MATR3: variants seen among roughly 807,000 people sequenced by gnomAD.
The protein encoded by MATR3 is matrin-3.
Under a neutral mutation model 85.5 loss-of-function variants are expected in MATR3, and 4 were observed. The observed-to-expected ratio is 0.05, with a 90% CI of 0.02 to 0.11. MATR3 has a LOEUF of 0.11. Among genes scored for constraint, MATR3 ranks in the 10% least tolerant of loss-of-function variants. MATR3 has a pLI of 1.00. For synonymous variants in MATR3, 336 were observed against 343.1 expected (o/e 0.98, Z 0.23); for missense variants, 685 against 1,016.1 (o/e 0.67, Z 4.43).
At position 139,288,084 on chromosome 5, in the gene MATR3, C is replaced by T. The variant is rs895725822; in HGVS notation, c.-178+8955C>T. Among the ~76,000 whole-genome samples, 3 of 151,996 alleles carry T rather than the reference C, an allele frequency of 2.0e-5. No individual in the cohort carries two copies. The South Asian group carries it at 6.2e-4, about 32-fold the overall frequency. Reference sequence around the variant, plus strand: ...AAAAAAAATTAGCTGGGTTTGGCGGCGCGCTTCTGTAGTCCCAGGTACTCG... The same window carrying T: ...AAAAAAAATTAGCTGGGTTTGGCGGTGCGCTTCTGTAGTCCCAGGTACTCG... On this transcript the variant is annotated intron_variant, in intron 3 of 16. Transcript: ENST00000509990.
At chr5:139,323,061 G>T in intron 12 of MATR3, 94 bp downstream of exon 12, 1 of 1,234,412 alleles carries the variant, frequency 8.1e-7, no homozygotes, top group Admixed American at 2.6e-5. Flanking sequence ...AGAATTATAT[G>T]ATTTAAATCA....
rs1383132116 is a variant in MATR3 at position 139,325,540 on chromosome 5, A to G, written c.2249A>G (p.Asn750Ser). ...NTEPGAESSE[N>S]ADDPNKDTSE... is the part of the protein sequence containing the mutation. ...GAACCAGGTGCTGAATCTTCTGAGA[A>G]CGCTGATGATCCCAACAAAGATACA... Residue 750 changes from asparagine (N) to serine (S), a missense_variant, in exon 13 of 15, where the codon AAC becomes AGC. Physicochemically the swap from Asn to Ser is conservative, Grantham distance 46 (BLOSUM62 1). This residue lies in a region of MATR3 where 215 missense variants were observed against 194.7 expected (regional missense o/e 1.10). Coordinates refer to ENST00000394805, the MANE Select transcript of MATR3 (RefSeq NM_018834.6). The G allele has an allele frequency of 3.1e-6, 5 of 1,614,108 alleles. No homozygotes were observed. Among genetic ancestry groups the G allele is most frequent in the Non-Finnish European group, 4.2e-6 (5 of 1,180,040 alleles).
rs769565843 is a variant in MATR3 at position 139,329,463 on chromosome 5, T to A, written c.*68T>A. ...CTTTGTTTTTAATGTTAACCTTTTT[T>A]AAATACAATACTGATAGTTAGAAGA... is the stretch of plus-strand genomic sequence containing the variant. On this transcript the variant is annotated 3_prime_UTR_variant, in exon 15 of 15. Transcript: ENST00000394805. 33 of 1,228,438 alleles carry A rather than the reference T, an allele frequency of 2.7e-5. No individual in the cohort carries two copies. The highest frequency in any genetic ancestry group is 2.4e-4 in the Admixed American group (14 of 58,812). 76.1% of individuals were successfully genotyped at this position (1,228,438 alleles called of 1,614,324 possible).
intron 9 of MATR3, among the ~76,000 whole-genome samples, chr5:139,320,177 C>T (rs1721404213): frequency 6.6e-6 from 1 of 151,216 alleles, no homozygotes; most frequent in Admixed American, 6.6e-5. Context: ...GGCGTGGTGG[C>T]GTGCGCCTGT....
chr5:139,282,215 GACCTGTCAATAT>G (rs1225473854), intron 3 of MATR3, among the ~76,000 whole-genome samples: 1 of 152,156 alleles, frequency 6.6e-6, no homozygotes, highest in Non-Finnish European at 1.5e-5. Flanking sequence ...CCAGTTAATG[GACCTGTCAATAT>G]ACTCTTGAAA....
chr5:139,283,015 C>T (rs1432690024), intron 3 of MATR3: 1 of 152,238 alleles, frequency 6.6e-6, no homozygotes, highest in African/African-American at 2.4e-5. Context: ...ATTCTCAAAA[C>T]ATTCCATTTT....
At chr5:139,327,909 T>G (rs920025254) in intron 14 of MATR3, among the ~76,000 whole-genome samples, 10 of 152,152 alleles carry the variant, frequency 6.6e-5, no homozygotes, top group African/African-American at 2.4e-4. Context: ...TTCCCCAAGC[T>G]GGAGTGCAAT....
intron 1 of MATR3, among the ~76,000 whole-genome samples, chr5:139,295,798 A>T (rs889106558): frequency 6.6e-6 from 1 of 152,206 alleles, no homozygotes. Flanking sequence ...CAGTGCTGTC[A>T]GTGTGGTCTA....
At chr5:139,284,036 C>T (rs1016437193) in intron 3 of MATR3, among the ~76,000 whole-genome samples, 3 of 152,306 alleles carry the variant, frequency 2.0e-5, no homozygotes, top group Non-Finnish European at 4.4e-5. Flanking sequence ...ATGTATTCAC[C>T]AGCTTCCAAA....
chr5:139,295,887 G>T (rs1472028135), intron 1 of MATR3, among the ~76,000 whole-genome samples: 1 of 152,062 alleles, frequency 6.6e-6, no homozygotes, highest in Admixed American at 6.5e-5. Context: ...ATGATCAGTG[G>T]CTCACGGCTC....
intron 1 of MATR3, 123 bp downstream of exon 1, chr5:139,293,928 C>T (rs1753986086): frequency 1.6e-6 from 2 of 1,213,912 alleles, no homozygotes; most frequent in Non-Finnish European, 1.0e-6. Context: ...TTGCTCGCTC[C>T]CGCTCTGCCT....
intron 3 of MATR3, chr5:139,314,940 A>G (rs999019995): frequency 1.9e-6 from 1 of 519,420 alleles, no homozygotes; most frequent in African/African-American, 1.9e-5. Flanking sequence ...ATATTTTGTT[A>G]TTTAACATTT....
At chr5:139,298,026 T>C (rs1305583529) in intron 1 of MATR3, among the ~76,000 whole-genome samples, 1 of 152,156 alleles carries the variant, frequency 6.6e-6, no homozygotes, top group Non-Finnish European at 1.5e-5. Flanking sequence ...CAGCAGTAAA[T>C]GCAGCAAGTA....
intron 1 of MATR3, among the ~76,000 whole-genome samples, chr5:139,303,113 T>C (rs1176959825): frequency 6.6e-6 from 1 of 152,166 alleles, no homozygotes; most frequent in African/African-American, 2.4e-5. Context: ...TTATTTGTTT[T>C]GTTTTTTGAG....
rs1380064611 is a variant in MATR3 at position 139,330,213 on chromosome 5, C to T, written c.*818C>T. On this transcript the variant is annotated 3_prime_UTR_variant, in exon 15 of 15. Transcript: ENST00000394805. Reference sequence around the variant, plus strand: ...ATTTTCAAGATGTAATTTTACATTTCTGCATTTTTAAAACAGTTTGGCCAT... The same window carrying T: ...ATTTTCAAGATGTAATTTTACATTTTTGCATTTTTAAAACAGTTTGGCCAT... The T allele has an allele frequency of 4.4e-6, 2 of 454,324 alleles. No individual in the cohort carries two copies. Among genetic ancestry groups the T allele is most frequent in the Non-Finnish European group, 8.8e-6 (2 of 226,658 alleles). The allele number at this position is 454,324 out of a possible 1,614,324, so 28.1% of individuals were successfully genotyped here.
intron 3 of MATR3, among the ~76,000 whole-genome samples, chr5:139,280,891 C>T (rs751515903): frequency 6.6e-6 from 1 of 151,856 alleles, no homozygotes; most frequent in Non-Finnish European, 1.5e-5. Flanking sequence ...TAATCATGTG[C>T]ATTTAAATAA....
chr5:139,316,672 C>T (rs181986109), intron 5 of MATR3, among the ~76,000 whole-genome samples: 1 of 152,202 alleles, frequency 6.6e-6, no homozygotes, highest in East Asian at 1.9e-4. Context: ...TTCAGCCTCT[C>T]CTGAGTAACT....
chr5:139,329,430 T>C lies in MATR3; in HGVS notation c.*35T>C, dbSNP rs754207617. ...GGAGATTTAATGATTTCAAAGAAAA[T>C]AATGGTTCTTTGTTTTTAATGTTAA... On this transcript the variant is annotated 3_prime_UTR_variant, in exon 15 of 15. Coordinates refer to ENST00000394805, the MANE Select transcript of MATR3 (RefSeq NM_018834.6). 1 of 1,543,488 alleles carries C rather than the reference T, an allele frequency of 6.5e-7. No homozygotes were observed. Among genetic ancestry groups the C allele is most frequent in the African/African-American group, 1.4e-5 (1 of 73,592 alleles).
intron 13 of MATR3, 85 bp downstream of exon 13, chr5:139,325,747 C>T: frequency 8.5e-7 from 1 of 1,174,400 alleles, no homozygotes; most frequent in South Asian, 1.3e-5. Flanking sequence ...TAAAGTTGGT[C>T]TTACATAAGC....
Sources: gnomAD v4.1 joint callset for allele counts (sites outside exome capture counted in the v4.1 genomes callset) on GRCh38, gnomAD v4.1.1 for gene constraint, gnomAD v4.1.1 regional missense constraint, MANE v1.5 for transcripts, NCBI Gene and HGNC (gene_info 2026-07-23, HGNC 2026-07-21) for gene names.